NRG3: variants seen among roughly 807,000 people sequenced by gnomAD.
NRG3 encodes the protein neuregulin 3, also known as pro-neuregulin-3, membrane-bound isoform.
A neutral mutation model predicts 66.9 loss-of-function variants in NRG3; 31 were observed. That is an observed-to-expected ratio of 0.46 (90% confidence interval 0.35 to 0.63). The LOEUF (loss-of-function observed/expected upper bound fraction) is 0.63, where lower values mean the gene tolerates loss of function less well. NRG3 is among the 20% of genes least tolerant of loss of function. The pLI is 0.00. For missense variants in NRG3, 910 were observed against 878.9 expected (o/e 1.04, Z -0.45); for synonymous variants, 393 against 359.4 (o/e 1.09, Z -1.06).
At chr10:82,454,946 A>G (rs1420149090) in intron 2 of NRG3, among the ~76,000 whole-genome samples, 3 of 152,218 alleles carry the variant, frequency 2.0e-5, no homozygotes, top group Non-Finnish European at 2.9e-5. Flanking sequence ...GAGGTAGATA[A>G]TAATATCTCC....
At chr10:82,461,850 G>T (rs1320615662) in intron 2 of NRG3, among the ~76,000 whole-genome samples, 3 of 152,160 alleles carry the variant, frequency 2.0e-5, no homozygotes, top group Non-Finnish European at 4.4e-5. Flanking sequence ...TTCATATTAG[G>T]CCGGGTGCAG....
chr10:82,951,597 A>T (rs1434763857), intron 5 of NRG3, 26 bp downstream of exon 5: 1 of 1,590,030 alleles, frequency 6.3e-7, no homozygotes, highest in Admixed American at 1.7e-5. Context: ...TCAAGTGTTT[A>T]AAGGTTACTT....
At chr10:82,814,897 T>C (rs1164474914) in intron 3 of NRG3, among the ~76,000 whole-genome samples, 2 of 152,172 alleles carry the variant, frequency 1.3e-5, no homozygotes, top group Non-Finnish European at 2.9e-5. Context: ...TTGTGCCACC[T>C]GAGACTGTAT....
chr10:82,572,597 TG>T lies in NRG3; in HGVS notation c.954-165979del, dbSNP rs574485176. Among the ~76,000 whole-genome samples, 36 of 126,776 alleles carry T rather than the reference TG, an allele frequency of 2.8e-4. No individual in the cohort carries two copies. The East Asian group carries it at 5.1e-3, about 18-fold the overall frequency. The allele number at this position is 126,776 out of a possible 152,430, so 83.2% of individuals were successfully genotyped here. ...AAAAATTCAATCAGGTGGTTTTTTT[TG>T]TGTGTGTGTGTGCCTACATTTGTTT... On this transcript the variant is annotated intron_variant, in intron 2 of 8. Transcript: ENST00000372141.
At chr10:82,074,462 G>A (rs1157139042) in intron 1 of NRG3, among the ~76,000 whole-genome samples, 1 of 152,140 alleles carries the variant, frequency 6.6e-6, no homozygotes, top group Non-Finnish European at 1.5e-5. Flanking sequence ...ATATAATTTT[G>A]GTTGCTTTTT....
intron 4 of NRG3, among the ~76,000 whole-genome samples, chr10:82,884,359 C>A (rs1842556748): frequency 6.6e-6 from 1 of 151,798 alleles, no homozygotes; most frequent in Non-Finnish European, 1.5e-5. Flanking sequence ...TTTTTCTGTT[C>A]CACAGATAAA....
intron 2 of NRG3, among the ~76,000 whole-genome samples, chr10:82,516,445 T>C (rs560465524): frequency 3.3e-5 from 5 of 152,106 alleles, no homozygotes; most frequent in Non-Finnish European, 7.4e-5. Flanking sequence ...ACCAATATAC[T>C]AAGTATAAGG....
intron 2 of NRG3, among the ~76,000 whole-genome samples, chr10:82,725,568 C>T (rs2057550627): frequency 6.6e-6 from 1 of 152,094 alleles, no homozygotes; most frequent in Admixed American, 6.6e-5. Flanking sequence ...TTAGGTGTTT[C>T]TGTTAATAGT....
intron 2 of NRG3, among the ~76,000 whole-genome samples, chr10:82,738,307 T>C (rs530872808): frequency 1.3e-5 from 2 of 152,338 alleles, no homozygotes; most frequent in African/African-American, 4.8e-5. Context: ...TAGATTGCTG[T>C]GAGGTATCTT....
At chr10:82,904,576 T>C (rs554565647) in intron 4 of NRG3, among the ~76,000 whole-genome samples, 10 of 152,174 alleles carry the variant, frequency 6.6e-5, no homozygotes, top group Non-Finnish European at 1.3e-4. Context: ...TTCCTCAATG[T>C]TTTTTATATC....
At chr10:82,123,239 G>A (rs2068208659) in intron 1 of NRG3, among the ~76,000 whole-genome samples, 1 of 152,060 alleles carries the variant, frequency 6.6e-6, no homozygotes, top group Non-Finnish European at 1.5e-5. Flanking sequence ...ATAATACTTG[G>A]AATATCAACA....
chr10:82,039,595 A>C (rs1290426682), intron 1 of NRG3, among the ~76,000 whole-genome samples: 2 of 152,090 alleles, frequency 1.3e-5, no homozygotes, highest in Non-Finnish European at 2.9e-5. Context: ...TTGAGAACCC[A>C]AGGTCTTACA....
At chr10:82,416,338 G>T (rs1364917210) in intron 2 of NRG3, among the ~76,000 whole-genome samples, 1 of 152,142 alleles carries the variant, frequency 6.6e-6, no homozygotes, top group African/African-American at 2.4e-5. Context: ...GCAGGAAGAC[G>T]GCACCAAGGA....
intron 2 of NRG3, among the ~76,000 whole-genome samples, chr10:82,377,561 C>T (rs2085335008): frequency 6.6e-6 from 1 of 152,128 alleles, no homozygotes. Flanking sequence ...AAACCGTGTC[C>T]TTCCAAATTC....
chr10:82,973,665 C>A, intron 6 of NRG3, 123 bp from the exon 7 acceptor site: 1 of 985,870 alleles, frequency 1.0e-6, no homozygotes, highest in Non-Finnish European at 1.6e-6. Flanking sequence ...TTATCTCCTG[C>A]TCCTCTAGTC....
intron 2 of NRG3, among the ~76,000 whole-genome samples, chr10:82,622,392 A>G (rs1293256082): frequency 1.3e-5 from 2 of 152,082 alleles, no homozygotes; most frequent in Non-Finnish European, 2.9e-5. Flanking sequence ...GTTAATGAAA[A>G]TCATTTACCC....
At chr10:82,289,452 T>C (rs2079599535) in intron 1 of NRG3, among the ~76,000 whole-genome samples, 2 of 149,308 alleles carry the variant, frequency 1.3e-5, no homozygotes, top group African/African-American at 4.8e-5. Context: ...AGAATTCAAG[T>C]TCTAATATCT....
intron 4 of NRG3, among the ~76,000 whole-genome samples, chr10:82,907,718 G>T (rs1844887793): frequency 6.6e-6 from 1 of 152,064 alleles, no homozygotes; most frequent in South Asian, 2.1e-4. Context: ...AATACAGAAG[G>T]TTTTCCATTT....
intron 1 of NRG3, among the ~76,000 whole-genome samples, chr10:81,917,165 A>G (rs73304593): frequency 0.019 from 2,875 of 152,280 alleles, 80 homozygotes; most frequent in African/African-American, 0.063. Context: ...AGCTTAGATT[A>G]AAATTAAATT....
Sources: allele counts gnomAD v4.1 joint callset (sites outside exome capture counted in the v4.1 genomes callset), GRCh38; gene constraint gnomAD v4.1.1; transcripts MANE v1.5; gene names NCBI Gene and HGNC (gene_info 2026-07-23, HGNC 2026-07-21).